ASPHD2: variants seen among roughly 807,000 people sequenced by gnomAD.
The protein encoded by ASPHD2 is aspartate beta-hydroxylase domain-containing protein 2.
ASPHD2 carries 12 observed loss-of-function variants against 34.6 expected under a neutral mutation model. The ratio of observed to expected loss-of-function variants is 0.35; its 90% CI spans 0.22 to 0.56. The LOEUF is 0.56. Among genes scored for constraint, ASPHD2 ranks in the 20% least tolerant of loss-of-function variants. The probability of loss-of-function intolerance (pLI) is 0.87; values close to 1 mark genes in which losing one functional copy is unlikely to be tolerated. For missense variants in ASPHD2, 375 were observed against 505.0 expected, an observed-to-expected ratio of 0.74 and a Z score of 2.47; for synonymous variants, 224 against 212.2, an observed-to-expected ratio of 1.06 and a Z score of -0.48.
chr22:26,443,691 T>A lies in ASPHD2; in HGVS notation c.*485T>A, dbSNP rs5761525. ...AACTTGGCCTCTGATGCTGGCACAC[T>A]GGGGACCCTTCAGCCACCTGACGGC... On this transcript the variant is annotated 3_prime_UTR_variant, in exon 4 of 4. Transcript: ENST00000215906. The A allele has an allele frequency of 0.44, 66,207 of 151,498 alleles. 14,710 individuals carry two copies. The highest frequency in any genetic ancestry group is 0.51 in the South Asian group (2,434 of 4,814). The allele number at this position is 151,498 out of a possible 1,614,324, so 9.4% of individuals were successfully genotyped here. A position where few individuals can be genotyped will look rare whatever the true frequency, so the allele number is the denominator to read the frequency against.
chr22:26,429,690 G>A lies in ASPHD2; in HGVS notation c.-225+204G>A, dbSNP rs1316248980. 6.6e-6 allele frequency among the ~76,000 whole-genome samples: 1 copy of A among 151,792 alleles called. No homozygotes were observed. The highest frequency in any genetic ancestry group is 2.4e-5 in the African/African-American group (1 of 41,368). ...CCGGCCGAGGCCAGTGCTCGTACGT[G>A]CTAAGCGCCGCCGCCTCGGAGCCGG... On this transcript the variant is annotated intron_variant, in intron 1 of 3. Transcript: ENST00000215906. The surrounding 1 kb of genome is among the most constrained non-coding windows in gnomAD (Gnocchi z 4.5).
intron 2 of ASPHD2, among the ~76,000 whole-genome samples, chr22:26,435,710 T>TAAAAGAAAAG (rs139306199): frequency 0.012 from 1,779 of 145,990 alleles, 24 homozygotes; most frequent in East Asian, 0.039. Context: ...ATCACTGCAC[T>TAAAAGAAAAG]AAAAGAAAAG....
Position 26,433,682 on chromosome 22 carries a change from G to A in ASPHD2, c.67G>A (p.Asp23Asn), listed in dbSNP as rs2084771039. The change falls in exon 2 of 4, where the codon GAC becomes AAC. Residue 23 changes from aspartate (D) to asparagine (N), a missense_variant. Physicochemically the swap from Asp to Asn is conservative, Grantham distance 23. Around this residue, in one of 3 missense-constraint regions of ASPHD2, gnomAD observed 223 missense variants for 257.8 expected, o/e 0.87. Coordinates refer to ENST00000215906, the MANE Select transcript of ASPHD2 (RefSeq NM_020437.5). The surrounding 1 kb of genome is among the most constrained non-coding windows in gnomAD (Gnocchi z 5.1). ...GACCTTGCTTCACACGCCCAGTAAG[G>A]ACTCCCCCAAGATGTCGCTCGAGTG... is the stretch of plus-strand genomic sequence containing the variant. ...CLTLLHTPSK[D>N]SPKMSLEWLV... 10 of 1,614,136 alleles carry A rather than the reference G, an allele frequency of 6.2e-6. No homozygotes were observed. In the East Asian group the frequency reaches 1.8e-4, roughly 29 times the overall value.
intron 2 of ASPHD2, among the ~76,000 whole-genome samples, chr22:26,439,017 TA>T (rs2084819353): frequency 6.6e-6 from 1 of 152,186 alleles, no homozygotes; most frequent in South Asian, 2.1e-4. Flanking sequence ...AACACCCACA[TA>T]GACACACCCA....
At chr22:26,437,470 C>T (rs1237398359) in intron 2 of ASPHD2, among the ~76,000 whole-genome samples, 1 of 152,196 alleles carries the variant, frequency 6.6e-6, no homozygotes, top group African/African-American at 2.4e-5. Flanking sequence ...GACCACAGGA[C>T]AGCTTCAGGC....
At position 26,444,002 on chromosome 22, in the gene ASPHD2, C is replaced by G. The variant is rs1043966389; in HGVS notation, c.*796C>G. 5 of 152,262 alleles carry G rather than the reference C, an allele frequency of 3.3e-5. No individual in the cohort carries two copies. Among genetic ancestry groups the G allele is most frequent in the African/African-American group, 1.2e-4 (5 of 41,474 alleles). 9.4% of individuals were successfully genotyped at this position (152,262 alleles called of 1,614,324 possible). A position where few individuals can be genotyped will look rare whatever the true frequency, so the allele number is the denominator to read the frequency against. ...CGGAACGTGTGATCCGCTTACCTCA[C>G]TGCCTACAGAAGCCCTACTGCCAAA... On this transcript the variant is annotated 3_prime_UTR_variant, in exon 4 of 4. Coordinates refer to ENST00000215906, the MANE Select transcript of ASPHD2 (RefSeq NM_020437.5).
At position 26,431,521 on chromosome 22, in the gene ASPHD2, A is replaced by G. The variant is rs192761164; in HGVS notation, c.-224-1871A>G. 2.6e-5 allele frequency among the ~76,000 whole-genome samples: 4 copies of G among 152,256 alleles called. No homozygotes were observed. The East Asian group carries it at 7.7e-4, about 29-fold the overall frequency. On this transcript the variant is annotated intron_variant, in intron 1 of 3. Coordinates refer to ENST00000215906, the MANE Select transcript of ASPHD2 (RefSeq NM_020437.5). ...TAAAAAATTTCCATGAATATTCAGC[A>G]TGTGTGTTTTTGACTTACTAAACAT... is the stretch of plus-strand genomic sequence containing the variant.
intron 2 of ASPHD2, among the ~76,000 whole-genome samples, chr22:26,438,731 C>T (rs1323672239): frequency 6.6e-6 from 1 of 151,264 alleles, no homozygotes; most frequent in African/African-American, 2.4e-5. Flanking sequence ...AGTATTAACC[C>T]ACATGATCAC....
chr22:26,442,956 G>C (rs1221039483), intron 3 of ASPHD2, 141 bp from the exon 4 acceptor site: 1 of 692,458 alleles, frequency 1.4e-6, no homozygotes, highest in Non-Finnish European at 2.6e-6. Context: ...CAGTGAGAGA[G>C]GAGGTGGTCC....
At position 26,444,790 on chromosome 22, in the gene ASPHD2, T is replaced by C. The variant is rs2084899311; in HGVS notation, c.*1584T>C. ...TTGAGTAAAATGTCTACACAGATAT[T>C]TGTCAGTGATGAGAATGCAGGAAAA... On this transcript the variant is annotated 3_prime_UTR_variant, in exon 4 of 4. Transcript: ENST00000215906. 6.6e-6 allele frequency: 1 copy of C among 152,214 alleles called. No homozygotes were observed. The highest frequency in any genetic ancestry group is 2.4e-5 in the African/African-American group (1 of 41,454). 9.4% of individuals were successfully genotyped at this position (152,214 alleles called of 1,614,324 possible).
rs753884440 is a variant in ASPHD2, at chr22:26,434,655, C to T, written c.886+154C>T. On this transcript the variant is annotated intron_variant, in intron 2 of 3. Transcript: ENST00000215906. ...GATGAATTGCATGTAAACAATTTGA[C>T]AGCAGAGATTGAGTCAAAAAGAAAT... 1.3e-4 allele frequency among the ~76,000 whole-genome samples: 20 copies of T among 152,218 alleles called. 1 individual carries two copies. The highest frequency in any genetic ancestry group is 1.5e-4 in the Non-Finnish European group (10 of 68,040).
intron 2 of ASPHD2, among the ~76,000 whole-genome samples, chr22:26,439,733 C>A (rs1279552286): frequency 6.6e-6 from 1 of 152,158 alleles, no homozygotes; most frequent in East Asian, 1.9e-4. Context: ...AATGTCCCCT[C>A]TTTACAGGTG....
At chr22:26,440,467 G>A (rs1474597872) in intron 2 of ASPHD2, among the ~76,000 whole-genome samples, 1 of 152,084 alleles carries the variant, frequency 6.6e-6, no homozygotes, top group Non-Finnish European at 1.5e-5. Flanking sequence ...GAGTAGCTGG[G>A]ATTACAGGCG....
At chr22:26,441,491 A>AG (rs2084838941) in intron 2 of ASPHD2, among the ~76,000 whole-genome samples, 2 of 150,698 alleles carry the variant, frequency 1.3e-5, no homozygotes, top group African/African-American at 4.9e-5. Context: ...AAAAAAAAAA[A>AG]AAAAAAAAAG....
intron 2 of ASPHD2, among the ~76,000 whole-genome samples, chr22:26,434,989 G>A (rs1398357991): frequency 6.6e-6 from 1 of 152,202 alleles, no homozygotes; most frequent in African/African-American, 2.4e-5. Flanking sequence ...AAGCATCTTT[G>A]CAGTCATCAA....
chr22:26,437,874 G>C (rs1031231452), intron 2 of ASPHD2, among the ~76,000 whole-genome samples: 2 of 152,140 alleles, frequency 1.3e-5, no homozygotes, highest in Non-Finnish European at 2.9e-5. Flanking sequence ...AGGAGCATAT[G>C]GGACTATCTG....
At chr22:26,441,123 C>T (rs1018443947) in intron 2 of ASPHD2, among the ~76,000 whole-genome samples, 1 of 152,180 alleles carries the variant, frequency 6.6e-6, no homozygotes, top group African/African-American at 2.4e-5. Flanking sequence ...GCAGATTTGG[C>T]GTCTGGTGAA....
intron 3 of ASPHD2, 108 bp downstream of exon 3, chr22:26,442,680 C>T (rs1204736316): frequency 1.3e-6 from 1 of 787,650 alleles, no homozygotes; most frequent in Admixed American, 2.8e-5. Context: ...CAAGGAGGCC[C>T]CTTCATATCA....
In ASPHD2 at chr22:26,438,502, CATATATATACATACAT is replaced by C. The variant is rs1568983895; in HGVS notation, c.887-3949_887-3934del. On this transcript the variant is annotated intron_variant, in intron 2 of 3. Transcript: ENST00000215906. Reference sequence around the variant, plus strand: ...ATACATATATATAGATACACACATACATATATATACATACATATATATACATACATATATACACATA... The same window carrying C: ...ATACATATATATAGATACACACATACATATATACATACATATATACACATA... Among the ~76,000 whole-genome samples, 14 of 111,898 alleles carry C rather than the reference CATATATATACATACAT, an allele frequency of 1.3e-4. 2 individuals carry two copies. The East Asian group carries it at 2.6e-3, about 21-fold the overall frequency. 73.4% of individuals were successfully genotyped at this position (111,898 alleles called of 152,430 possible). A position where few individuals can be genotyped will look rare whatever the true frequency, so the allele number is the denominator to read the frequency against.
Sources: allele counts gnomAD v4.1 joint callset (sites outside exome capture counted in the v4.1 genomes callset), GRCh38; gene constraint gnomAD v4.1.1; regional missense constraint gnomAD v4.1.1; non-coding constraint Gnocchi (gnomAD v3.1); transcripts MANE v1.5; gene names NCBI Gene and HGNC (gene_info 2026-07-23, HGNC 2026-07-21).